Variants in GNA11 observed in about 807,000 individuals in gnomAD.
The protein encoded by GNA11 is guanine nucleotide-binding protein subunit alpha-11.
In GNA11, 8 loss-of-function variants were observed where a neutral mutation model predicts 38.2. That is an observed-to-expected ratio of 0.21 (90% CI 0.12 to 0.38). The LOEUF (loss-of-function observed/expected upper bound fraction) is 0.38, where lower values mean the gene tolerates loss of function less well. Ranked by LOEUF, GNA11 falls within the 10% of genes least tolerant of loss-of-function variation. The pLI is 1.00. For missense variants in GNA11, 268 were observed against 516.3 expected (o/e 0.52, Z 4.66); for synonymous variants, 211 against 221.4 (o/e 0.95, Z 0.42).
intron 1 of GNA11, among the ~76,000 whole-genome samples, chr19:3,103,639 C>A (rs1913563190): frequency 6.8e-6 from 1 of 146,820 alleles, no homozygotes; most frequent in Non-Finnish European, 1.5e-5. Context: ...GTTTCTCCTG[C>A]CTCAGCCTCC....
rs944636464 is a variant in GNA11, at chr19:3,108,179, C to T, written c.137-1970C>T. Among the ~76,000 whole-genome samples the T allele has an allele frequency of 1.3e-5, 2 of 152,140 alleles. No individual in the cohort carries two copies. The highest frequency in any genetic ancestry group is 2.4e-5 in the African/African-American group (1 of 41,418). On this transcript the variant is annotated intron_variant, in intron 1 of 6. Transcript: ENST00000078429. This position sits in a 1 kb window ranked among gnomAD's most constrained non-coding sequence, Gnocchi z 4.5. ...GCTGTGGGCAGTTCCTGGGCTTTGTCGAGGGCCTCCCGAAGGCAGCACTGT... is the reference window on the plus strand; with the variant it reads ...GCTGTGGGCAGTTCCTGGGCTTTGTTGAGGGCCTCCCGAAGGCAGCACTGT...
chr19:3,110,195 C>T lies in GNA11; in HGVS notation c.183C>T (p.Ile61=), dbSNP rs777673683. Reference sequence around the variant, plus strand: ...GCACGTTCATCAAGCAGATGCGCATCATCCACGGCGCCGGCTACTCGGAGG... The same window carrying T: ...GCACGTTCATCAAGCAGATGCGCATTATCCACGGCGCCGGCTACTCGGAGG... ...GKSTFIKQMR[I]IHGAGYSEED... Residue 61 remains isoleucine (I), a synonymous_variant, in exon 2 of 7, where the codon ATC becomes ATT. Coordinates refer to ENST00000078429, the MANE Select transcript of GNA11 (RefSeq NM_002067.5). This position sits in a 1 kb window ranked among gnomAD's most constrained non-coding sequence, Gnocchi z 5.4. 2 of 1,613,452 alleles carry T rather than the reference C, an allele frequency of 1.2e-6. No homozygotes were observed. Among genetic ancestry groups the T allele is most frequent in the Non-Finnish European group, 8.5e-7 (1 of 1,179,756 alleles).
At chr19:3,107,743 G>A (rs1913673107) in intron 1 of GNA11, among the ~76,000 whole-genome samples, 1 of 152,174 alleles carries the variant, frequency 6.6e-6, no homozygotes, top group Non-Finnish European at 1.5e-5. Context: ...TGGAGTGGGT[G>A]GGGGCCAGGG....
Position 3,122,945 on chromosome 19 carries a change from C to T in GNA11, c.*1766C>T, listed in dbSNP as rs1278237555. 7 of 90,486 alleles carry T rather than the reference C, an allele frequency of 7.7e-5. No individual in the cohort carries two copies. The highest frequency in any genetic ancestry group is 1.5e-4 in the Admixed American group (1 of 6,598). The allele number at this position is 90,486 out of a possible 1,614,324, so 5.6% of individuals were successfully genotyped here. A position where few individuals can be genotyped will look rare whatever the true frequency, so the allele number is the denominator to read the frequency against. The stretch of plus-strand genomic sequence containing the variant: ...ATGGGGAGACGGGGCTGGCGGGATA[C>T]CCCCCCCCCGGCTTCCCCACACCAC... On this transcript the variant is annotated 3_prime_UTR_variant, in exon 7 of 7. Transcript: ENST00000078429. The surrounding 1 kb of genome is among the most constrained non-coding windows in gnomAD (Gnocchi z 7.7).
At chr19:3,115,675 G>T (rs1913893331) in intron 4 of GNA11, among the ~76,000 whole-genome samples, 1 of 150,762 alleles carries the variant, frequency 6.6e-6, no homozygotes, top group African/African-American at 2.5e-5. Flanking sequence ...AGCAGGGGGT[G>T]CCGCATGGTG....
rs2145318550 is a variant in GNA11 at position 3,113,370 on chromosome 19, T to A, written c.362T>A (p.Val121Glu). The A allele has an allele frequency of 6.2e-7, 1 of 1,613,388 alleles. No individual in the cohort carries two copies. The highest frequency in any genetic ancestry group is 8.5e-7 in the Non-Finnish European group (1 of 1,179,868). ...LLIREVDVEK[V>E]TTFEHQYVSA... The stretch of plus-strand genomic sequence containing the variant: ...ATCCGGGAGGTGGACGTGGAGAAGG[T>A]GACCACCTTCGAGCATCAGTACGTC... Residue 121 changes from valine (V) to glutamate (E), a missense_variant, in exon 3 of 7, where the codon GTG becomes GAG. By Grantham distance (121) the Val-to-Glu change is moderately radical. Transcript: ENST00000078429.
At chr19:3,096,176 C>T (rs1307838239) in intron 1 of GNA11, among the ~76,000 whole-genome samples, 1 of 152,202 alleles carries the variant, frequency 6.6e-6, no homozygotes, top group Non-Finnish European at 1.5e-5. Flanking sequence ...TAGGGCCCTC[C>T]GTGTCCCGGG....
chr19:3,118,706 C>T, intron 4 of GNA11: 1 of 536,270 alleles, frequency 1.9e-6, no homozygotes, highest in Non-Finnish European at 3.3e-6. Flanking sequence ...GGTCTCAGGC[C>T]CCTTTGCCAG....
intron 1 of GNA11, among the ~76,000 whole-genome samples, chr19:3,101,096 C>T (rs1413805473): frequency 1.3e-5 from 2 of 152,118 alleles, no homozygotes; most frequent in Non-Finnish European, 1.5e-5. Context: ...GCCCAGGCTC[C>T]GTTTTCTCTT....
At position 3,121,444 on chromosome 19, in the gene GNA11, C is replaced by A. The variant is rs763700217; in HGVS notation, c.*265C>A. On this transcript the variant is annotated 3_prime_UTR_variant, in exon 7 of 7. Coordinates refer to ENST00000078429, the MANE Select transcript of GNA11 (RefSeq NM_002067.5). ...CTTTTTCTGGCCTTGACTTATGGCT[C>A]GCTTTTTTCTAAAAAAAAAAAAAAA... is the stretch of plus-strand genomic sequence containing the variant. 7 of 284,120 alleles carry A rather than the reference C, an allele frequency of 2.5e-5. No individual in the cohort carries two copies. Among genetic ancestry groups the A allele is most frequent in the Non-Finnish European group, 4.5e-5 (7 of 157,126 alleles). The allele number at this position is 284,120 out of a possible 1,614,324, so 17.6% of individuals were successfully genotyped here.
At position 3,113,376 on chromosome 19, in the gene GNA11, C is replaced by T. The variant is rs879188402; in HGVS notation, c.368C>T (p.Thr123Ile). 6.2e-7 allele frequency: 1 copy of T among 1,613,468 alleles called. No individual in the cohort carries two copies. Among genetic ancestry groups the T allele is most frequent in the South Asian group, 1.1e-5 (1 of 91,088 alleles). Reference sequence around the variant, plus strand: ...GAGGTGGACGTGGAGAAGGTGACCACCTTCGAGCATCAGTACGTCAGTGCC... The same window carrying T: ...GAGGTGGACGTGGAGAAGGTGACCATCTTCGAGCATCAGTACGTCAGTGCC... ...IREVDVEKVTTFEHQYVSAIK... is the reference protein window; with the variant it reads ...IREVDVEKVTIFEHQYVSAIK... Residue 123 changes from threonine to isoleucine, a missense_variant, in exon 3 of 7, where the codon ACC becomes ATC. Physicochemically the swap from Thr to Ile is moderately conservative, Grantham distance 89. Coordinates refer to ENST00000078429, the MANE Select transcript of GNA11 (RefSeq NM_002067.5).
Position 3,123,882 on chromosome 19 carries a change from G to A in GNA11, c.*2703G>A. ...AGGAGGGGCTGAGGAGCGGCTCAGT[G>A]TCACCTCCCACAGCCACCGGCCCTG... On this transcript the variant is annotated 3_prime_UTR_variant, in exon 7 of 7. Transcript: ENST00000078429. 1 of 232,586 alleles carries A rather than the reference G, an allele frequency of 4.3e-6. No homozygotes were observed. The highest frequency in any genetic ancestry group is 1.8e-4 in the South Asian group (1 of 5,524). The allele number at this position is 232,586 out of a possible 1,614,324, so 14.4% of individuals were successfully genotyped here. A position where few individuals can be genotyped will look rare whatever the true frequency, so the allele number is the denominator to read the frequency against.
chr19:3,109,255 C>T (rs768540976), intron 1 of GNA11, among the ~76,000 whole-genome samples: 1 of 152,198 alleles, frequency 6.6e-6, no homozygotes, highest in Admixed American at 6.5e-5. Context: ...GAGGCAGAGG[C>T]AGGAGAGGGG....
At position 3,123,562 on chromosome 19, in the gene GNA11, C is replaced by T. The variant is rs1214221091; in HGVS notation, c.*2383C>T. On this transcript the variant is annotated 3_prime_UTR_variant, in exon 7 of 7. Coordinates refer to ENST00000078429, the MANE Select transcript of GNA11 (RefSeq NM_002067.5). Reference sequence around the variant, plus strand: ...CCTGCCAACGATTTCTCGTGAGTGCCGACCACCTTCTCCGACCATGTTACG... The same window carrying T: ...CCTGCCAACGATTTCTCGTGAGTGCTGACCACCTTCTCCGACCATGTTACG... 2.1e-5 allele frequency: 5 copies of T among 233,052 alleles called. No individual in the cohort carries two copies. Among genetic ancestry groups the T allele is most frequent in the Non-Finnish European group, 4.2e-5 (5 of 117,988 alleles). The allele number at this position is 233,052 out of a possible 1,614,324, so 14.4% of individuals were successfully genotyped here.
At chr19:3,114,792 T>G (rs1913864881) in intron 3 of GNA11, 152 bp from the exon 4 acceptor site, 1 of 687,214 alleles carries the variant, frequency 1.5e-6, no homozygotes, top group South Asian at 1.9e-5. Flanking sequence ...GCCCGAGCCC[T>G]CCGGGCTGCT....
rs758189058 is a variant in GNA11, at chr19:3,119,406, CTG to C, written c.889+48_889+49del. On this transcript the variant is annotated intron_variant, in intron 6 of 6. Coordinates refer to ENST00000078429, the MANE Select transcript of GNA11 (RefSeq NM_002067.5). This position sits in a 1 kb window ranked among gnomAD's most constrained non-coding sequence, Gnocchi z 4.6. The stretch of plus-strand genomic sequence containing the variant: ...GGAGGGGCTCGCGGGCAGGGCCTTA[CTG>C]GGGGGAGGGGGCTGATATGGGAGAG... 1.2e-4 allele frequency: 181 copies of C among 1,545,558 alleles called. No individual in the cohort carries two copies. Among genetic ancestry groups the C allele is most frequent in the South Asian group, 3.5e-5 (3 of 86,484 alleles).
rs2145318934 is a variant in GNA11, at chr19:3,113,475, C to T, written c.467C>T (p.Ser156Phe). The T allele has an allele frequency of 6.2e-7, 1 of 1,602,402 alleles. No homozygotes were observed. The highest frequency in any genetic ancestry group is 1.1e-5 in the South Asian group (1 of 89,858). ...AGGCGCGAGTACCAGCTCTCCGACT[C>T]TGCCAAGTAGTAAGTGCGGCCGCAC... ...DRRREYQLSD[S>F]AKYYLTDVDR... The change falls in exon 3 of 7, where the codon TCT becomes TTT. Residue 156 changes from serine to phenylalanine, a missense_variant. Around this residue, in one of 3 missense-constraint regions of GNA11, gnomAD observed 151 missense variants for 254.0 expected, o/e 0.59. Transcript: ENST00000078429.
intron 1 of GNA11, among the ~76,000 whole-genome samples, chr19:3,102,589 G>T (rs1213977051): frequency 6.6e-6 from 1 of 152,232 alleles, no homozygotes; most frequent in East Asian, 1.9e-4. Context: ...CCTGCCATTA[G>T]GGGTCGTGTG....
Position 3,100,800 on chromosome 19 carries a change from C to A in GNA11, c.136+6013C>A, listed in dbSNP as rs193069952. ...CCGGCCTCAGTTTCCCCATCGGTCA[C>A]GTGGGAAGGCTGTCCCTCCCCCTGT... On this transcript the variant is annotated intron_variant, in intron 1 of 6. Transcript: ENST00000078429. Among the ~76,000 whole-genome samples, 184 of 152,322 alleles carry A rather than the reference C, an allele frequency of 1.2e-3. 1 individual carries two copies. Among genetic ancestry groups the A allele is most frequent in the African/African-American group, 4.4e-3 (181 of 41,580 alleles).
Sources: allele counts gnomAD v4.1 joint callset (sites outside exome capture counted in the v4.1 genomes callset), GRCh38; gene constraint gnomAD v4.1.1; regional missense constraint gnomAD v4.1.1; non-coding constraint Gnocchi (gnomAD v3.1); transcripts MANE v1.5; gene names NCBI Gene and HGNC (gene_info 2026-07-23, HGNC 2026-07-21).